The following MICU2 variants were observed in gnomAD, a reference collection of about 807,000 sequenced individuals.
The protein encoded by MICU2 is mitochondrial calcium uptake 2.
A neutral mutation model predicts 60.4 loss-of-function variants in MICU2; 64 were observed. That is an observed-to-expected ratio of 1.06 (90% CI 0.87 to 1.31). The LOEUF is 1.31. Ranked by LOEUF, MICU2 falls within the 50% of genes most tolerant of loss-of-function variation. The pLI is 0.00. For synonymous variants in MICU2, 201 were observed against 175.0 expected (o/e 1.15, Z -1.17); for missense variants, 569 against 531.0 (o/e 1.07, Z -0.70).
At chr13:21,549,213 G>T (rs1169825875) in intron 2 of MICU2, among the ~76,000 whole-genome samples, 1 of 152,138 alleles carries the variant, frequency 6.6e-6, no homozygotes, top group Non-Finnish European at 1.5e-5. Flanking sequence ...ACAGGCGTGA[G>T]CTAGCGTGCC....
At chr13:21,526,078 C>T (rs1886848653) in intron 4 of MICU2, among the ~76,000 whole-genome samples, 1 of 151,038 alleles carries the variant, frequency 6.6e-6, no homozygotes, top group South Asian at 2.1e-4. Flanking sequence ...GCTGGGACCA[C>T]AGGCATGTGC....
intron 4 of MICU2, among the ~76,000 whole-genome samples, chr13:21,539,086 T>C (rs941775619): frequency 2.0e-5 from 3 of 152,166 alleles, no homozygotes; most frequent in Admixed American, 1.3e-4. Flanking sequence ...CATCTTTTAT[T>C]TTAGATACTC....
At chr13:21,568,918 A>G (rs79121074) in intron 1 of MICU2, among the ~76,000 whole-genome samples, 4,453 of 151,966 alleles carry the variant, frequency 0.029, 89 homozygotes, top group African/African-American at 0.039. Context: ...ATATGCTTAT[A>G]CATGCCTATA....
intron 1 of MICU2, among the ~76,000 whole-genome samples, chr13:21,590,241 A>G (rs928426666): frequency 1.3e-5 from 2 of 152,158 alleles, no homozygotes; most frequent in Admixed American, 1.3e-4. Context: ...TAACAGTGGA[A>G]CTCTTAGCAG....
rs182742430 is a variant in MICU2, at chr13:21,590,391, G to C, written c.210+13548C>G. On this transcript the variant is annotated intron_variant, in intron 1 of 11. Coordinates refer to ENST00000382374, the MANE Select transcript of MICU2 (RefSeq NM_152726.3). Reference sequence around the variant, plus strand: ...TAAAATCCTTTCCAGACAAGCAAATGATGAGTGATTTCATTACCACCAGGC... The same window carrying C: ...TAAAATCCTTTCCAGACAAGCAAATCATGAGTGATTTCATTACCACCAGGC... Among the ~76,000 whole-genome samples, 15 of 152,316 alleles carry C rather than the reference G, an allele frequency of 9.8e-5. No homozygotes were observed. The East Asian group carries it at 2.3e-3, about 23-fold the overall frequency.
rs67753448 is a variant in MICU2, at chr13:21,500,433, T to TGC, written c.933+2492_933+2493insGC. Reference sequence around the variant, plus strand: ...TACCTACTGATTTTTTTTTTTTTTTTTTTTTTTTTTTTTTTGAGACAGAGT... The same window carrying TGC: ...TACCTACTGATTTTTTTTTTTTTTTTGCTTTTTTTTTTTTTTTGAGACAGAGT... On this transcript the variant is annotated intron_variant, in intron 9 of 11. Transcript: ENST00000382374. Among the ~76,000 whole-genome samples the TGC allele has an allele frequency of 2.7e-4, 38 of 142,324 alleles. 1 individual carries two copies. The East Asian group carries it at 8.3e-3, about 31-fold the overall frequency. 93.4% of individuals were successfully genotyped at this position (142,324 alleles called of 152,430 possible). A position where few individuals can be genotyped will look rare whatever the true frequency, so the allele number is the denominator to read the frequency against.
intron 1 of MICU2, among the ~76,000 whole-genome samples, chr13:21,593,217 G>A (rs1200038): frequency 0.95 from 143,828 of 152,076 alleles, 68,178 homozygotes; most frequent in East Asian, 1. Flanking sequence ...CCTTTACAAC[G>A]ATAGGCAAGC....
intron 1 of MICU2, among the ~76,000 whole-genome samples, chr13:21,569,186 G>A (rs979746482): frequency 2.0e-5 from 3 of 152,092 alleles, no homozygotes; most frequent in Admixed American, 1.3e-4. Context: ...CTCTGAATTT[G>A]TCCGACTGCC....
At chr13:21,517,793 ACACACACG>A (rs757144824) in intron 6 of MICU2, among the ~76,000 whole-genome samples, 76 of 97,276 alleles carry the variant, frequency 7.8e-4, no homozygotes, top group Non-Finnish European at 1.0e-3. Context: ...ACACACACAC[ACACACACG>A]CGCGCGCGCG....
At chr13:21,585,458 T>C (rs891213568) in intron 1 of MICU2, among the ~76,000 whole-genome samples, 5 of 152,212 alleles carry the variant, frequency 3.3e-5, no homozygotes, top group African/African-American at 1.2e-4. Flanking sequence ...ACCAATGCAC[T>C]GCACACAAAT....
intron 2 of MICU2, among the ~76,000 whole-genome samples, chr13:21,549,132 T>C (rs4769167): frequency 0.33 from 49,919 of 151,486 alleles, 9,210 homozygotes; most frequent in South Asian, 0.42. Flanking sequence ...GGTTTCACCG[T>C]GTTAGCCAGG....
At chr13:21,546,678 A>C (rs976028743) in intron 2 of MICU2, among the ~76,000 whole-genome samples, 1 of 152,194 alleles carries the variant, frequency 6.6e-6, no homozygotes, top group African/African-American at 2.4e-5. Flanking sequence ...GGTGGCTCCT[A>C]TCTAATGATT....
At chr13:21,524,730 A>G (rs1282355558) in intron 4 of MICU2, among the ~76,000 whole-genome samples, 1 of 152,234 alleles carries the variant, frequency 6.6e-6, no homozygotes, top group Non-Finnish European at 1.5e-5. Context: ...TCATCATGCT[A>G]AACAGAAACA....
intron 1 of MICU2, among the ~76,000 whole-genome samples, chr13:21,594,300 T>TA (rs1888646880): frequency 6.6e-6 from 1 of 152,100 alleles, no homozygotes; most frequent in Non-Finnish European, 1.5e-5. Context: ...CACTGGTCAT[T>TA]AGAGAAATGC....
chr13:21,572,108 C>T (rs934255370), intron 1 of MICU2, among the ~76,000 whole-genome samples: 4 of 152,094 alleles, frequency 2.6e-5, no homozygotes, highest in African/African-American at 7.2e-5. Flanking sequence ...ATTATAAGTG[C>T]TAGATTAAAA....
intron 1 of MICU2, among the ~76,000 whole-genome samples, chr13:21,568,920 A>G (rs1888044879): frequency 6.6e-6 from 1 of 151,970 alleles, no homozygotes; most frequent in Non-Finnish European, 1.5e-5. Context: ...ATGCTTATAC[A>G]TGCCTATAAC....
rs540905616 is a variant in MICU2 at position 21,603,809 on chromosome 13, G to C, written c.210+130C>G. ...GAGCGAGTCCCACCAGTCGCAGGGC[G>C]CTCCGATCCGCAGCGGCACCTCCAC... On this transcript the variant is annotated intron_variant, in intron 1 of 11. Transcript: ENST00000382374. 11 of 1,029,492 alleles carry C rather than the reference G, an allele frequency of 1.1e-5. No individual in the cohort carries two copies. The Admixed American group carries it at 2.7e-4, about 25-fold the overall frequency. 63.8% of individuals were successfully genotyped at this position (1,029,492 alleles called of 1,614,324 possible). A position where few individuals can be genotyped will look rare whatever the true frequency, so the allele number is the denominator to read the frequency against.
chr13:21,572,600 T>A (rs1888137385), intron 1 of MICU2, among the ~76,000 whole-genome samples: 1 of 152,240 alleles, frequency 6.6e-6, no homozygotes, highest in South Asian at 2.1e-4. Context: ...AATTGGCATG[T>A]CCTTGTTTAT....
intron 8 of MICU2, among the ~76,000 whole-genome samples, chr13:21,508,319 G>A (rs1886344463): frequency 6.6e-6 from 1 of 151,780 alleles, no homozygotes; most frequent in Non-Finnish European, 1.5e-5. Flanking sequence ...TAGAGACGGG[G>A]TTTCACCATG....
Sources: gnomAD v4.1 joint callset for allele counts (sites outside exome capture counted in the v4.1 genomes callset) on GRCh38, gnomAD v4.1.1 for gene constraint, MANE v1.5 for transcripts, NCBI Gene and HGNC (gene_info 2026-07-23, HGNC 2026-07-21) for gene names.